Variants in ZNF490 observed in about 807,000 individuals in gnomAD.
ZNF490 encodes zinc finger protein 490.
ZNF490 carries 11 observed loss-of-function variants against 17.7 expected under a neutral mutation model. The observed-to-expected ratio is 0.62, with a 90% CI of 0.39 to 1.03. ZNF490 has a LOEUF of 1.03. Among genes scored for constraint, ZNF490 ranks in the 50% least tolerant of loss-of-function variants. The pLI is 0.00. For missense variants in ZNF490, 542 were observed against 643.4 expected (o/e 0.84, Z 1.71); for synonymous variants, 222 against 216.1 (o/e 1.03, Z -0.24).
Position 12,576,870 on chromosome 19 carries a change from AATAT to A in ZNF490, c.*3611_*3614del, listed in dbSNP as rs759088251. On this transcript the variant is annotated 3_prime_UTR_variant, in exon 5 of 5. Coordinates refer to ENST00000311437, the MANE Select transcript of ZNF490 (RefSeq NM_020714.3). ...CATTCCATATTTAAAAATATATATA[AATAT>A]ATATACACACAGCCCTCTAGACAAA... 1.3e-5 allele frequency among the ~76,000 whole-genome samples: 2 copies of A among 151,486 alleles called. No homozygotes were observed. Among genetic ancestry groups the A allele is most frequent in the East Asian group, 1.9e-4 (1 of 5,196 alleles).
chr19:12,593,969 C>G (rs1445651360), intron 2 of ZNF490, among the ~76,000 whole-genome samples: 1 of 152,072 alleles, frequency 6.6e-6, no homozygotes, highest in East Asian at 1.9e-4. Context: ...TTTCTAGGAC[C>G]CATGGCAAAA....
Position 12,576,975 on chromosome 19 carries a change from GC to G in ZNF490, c.*3509del, listed in dbSNP as rs1353200592. On this transcript the variant is annotated 3_prime_UTR_variant, in exon 5 of 5. Coordinates refer to ENST00000311437, the MANE Select transcript of ZNF490 (RefSeq NM_020714.3). ...AATTCACAAACCCACAGGTGTAACA[GC>G]CCAGATACTAAAAGATTCTCCCAAA... Among the ~76,000 whole-genome samples, 1 of 151,984 alleles carries G rather than the reference GC, an allele frequency of 6.6e-6. No individual in the cohort carries two copies. The highest frequency in any genetic ancestry group is 1.5e-5 in the Non-Finnish European group (1 of 68,016).
intron 2 of ZNF490, among the ~76,000 whole-genome samples, chr19:12,601,320 G>A (rs1479250203): frequency 6.6e-6 from 1 of 151,576 alleles, no homozygotes; most frequent in Non-Finnish European, 1.5e-5. Flanking sequence ...CCCGGGAGGC[G>A]AAGGTTGCAA....
In ZNF490 at chr19:12,610,591, T is replaced by A. The variant is rs760019069; in HGVS notation, c.90A>T (p.Thr30=). 1 of 1,614,034 alleles carries A rather than the reference T, an allele frequency of 6.2e-7. No homozygotes were observed. Among genetic ancestry groups the A allele is most frequent in the Non-Finnish European group, 8.5e-7 (1 of 1,180,018 alleles). The change falls in exon 1 of 5, where the codon ACA becomes ACT. Residue 30 remains threonine (T), a synonymous_variant. Coordinates refer to ENST00000311437, the MANE Select transcript of ZNF490 (RefSeq NM_020714.3). ...QSKWSSSQGR[T]GTGGSDVLQM... The stretch of plus-strand genomic sequence containing the variant: ...GGAGGACATCAGACCCTCCTGTTCC[T>A]GTGCGGCCTTGACTAGACGACCACT...
intron 2 of ZNF490, among the ~76,000 whole-genome samples, chr19:12,586,607 T>C (rs2022808931): frequency 1.1e-5 from 1 of 94,338 alleles, no homozygotes. Flanking sequence ...CTTAGACGGT[T>C]TGAAGAGAGA....
chr19:12,583,566 C>A lies in ZNF490; in HGVS notation c.163-10G>T. ...CAAGGGAGATGGAGTCCTAAAACAT[C>A]CCCCATGTGTGTTTAGGAGGAGGAG... On this transcript the variant is annotated splice_polypyrimidine_tract_variant and intron_variant, in intron 2 of 4. Coordinates refer to ENST00000311437, the MANE Select transcript of ZNF490 (RefSeq NM_020714.3). 1 of 1,580,990 alleles carries A rather than the reference C, an allele frequency of 6.3e-7. No homozygotes were observed. Among genetic ancestry groups the A allele is most frequent in the Non-Finnish European group, 8.6e-7 (1 of 1,160,304 alleles).
intron 1 of ZNF490, 47 bp downstream of exon 1, chr19:12,610,517 C>T (rs1251316756): frequency 5.7e-6 from 8 of 1,414,466 alleles, no homozygotes; most frequent in Non-Finnish European, 8.0e-6. Flanking sequence ...AAACAAGGGT[C>T]ACTATTCCAC....
In ZNF490 at chr19:12,580,525, A is replaced by G; in HGVS notation, c.1550T>C (p.Leu517Ser). ...CGKAFSYSKSLHVHERTHSRQ... is the reference protein window; with the variant it reads ...CGKAFSYSKSSHVHERTHSRQ... Reference sequence around the variant, plus strand: ...ACTATGAGTCCTTTCGTGCACGTGCAAAGACTTTGAGTAACTGAAGGCTTT... The same window carrying G: ...ACTATGAGTCCTTTCGTGCACGTGCGAAGACTTTGAGTAACTGAAGGCTTT... The change falls in exon 5 of 5, where the codon TTG (leucine) becomes TCG (serine). Residue 517 changes from leucine (L) to serine (S), a missense_variant. By Grantham distance (145) the Leu-to-Ser change is moderately radical. Transcript: ENST00000311437. 6.2e-7 allele frequency: 1 copy of G among 1,611,512 alleles called. No homozygotes were observed. Among genetic ancestry groups the G allele is most frequent in the Middle Eastern group, 1.7e-4 (1 of 6,044 alleles).
At chr19:12,605,558 C>T (rs1287702611) in intron 2 of ZNF490, among the ~76,000 whole-genome samples, 1 of 151,942 alleles carries the variant, frequency 6.6e-6, no homozygotes, top group Non-Finnish European at 1.5e-5. Flanking sequence ...TAGGCTGCTA[C>T]AGCAAATTAA....
rs1026944688 is a variant in ZNF490 at position 12,578,314 on chromosome 19, G to A, written c.*2171C>T. ...CTAAGACATGGCAGAGTGTGTCTGT[G>A]ACTCCACTAGCAGTTTTGAGATTAT... On this transcript the variant is annotated 3_prime_UTR_variant, in exon 5 of 5. Transcript: ENST00000311437. 8.1e-6 allele frequency: 8 copies of A among 985,510 alleles called. No homozygotes were observed. The highest frequency in any genetic ancestry group is 9.6e-6 in the Non-Finnish European group (8 of 830,062). 61.0% of individuals were successfully genotyped at this position (985,510 alleles called of 1,614,324 possible). A position where few individuals can be genotyped will look rare whatever the true frequency, so the allele number is the denominator to read the frequency against.
intron 2 of ZNF490, among the ~76,000 whole-genome samples, chr19:12,605,801 A>G (rs918936862): frequency 1.3e-5 from 2 of 152,188 alleles, no homozygotes; most frequent in African/African-American, 4.8e-5. Context: ...CCAGAAGTGA[A>G]GTATTCTGTT....
At chr19:12,583,062 G>A in intron 3 of ZNF490, 152 bp from the exon 4 acceptor site, 1 of 543,510 alleles carries the variant, frequency 1.8e-6, no homozygotes, top group Non-Finnish European at 2.9e-6. Flanking sequence ...TTTTTTTTTT[G>A]AGACAGAGTC....
At chr19:12,606,167 ACCG>A in intron 2 of ZNF490, among the ~76,000 whole-genome samples, 1 of 150,882 alleles carries the variant, frequency 6.6e-6, no homozygotes, top group South Asian at 2.1e-4. Flanking sequence ...GGCATGAGCC[ACCG>A]CGCCTGGCCT....
intron 2 of ZNF490, chr19:12,597,131 C>T (rs1242475770): frequency 4.3e-6 from 2 of 462,432 alleles, no homozygotes; most frequent in South Asian, 1.5e-5. Context: ...CTCGGGACTC[C>T]CGGCCCCGCA....
At chr19:12,599,879 T>C (rs1391807240) in intron 2 of ZNF490, among the ~76,000 whole-genome samples, 1 of 152,054 alleles carries the variant, frequency 6.6e-6, no homozygotes, top group Non-Finnish European at 1.5e-5. Context: ...TTGGCTAAAG[T>C]TAAAGGGGGT....
At chr19:12,603,519 C>G (rs572310230) in intron 2 of ZNF490, among the ~76,000 whole-genome samples, 1 of 151,962 alleles carries the variant, frequency 6.6e-6, no homozygotes, top group East Asian at 1.9e-4. Flanking sequence ...AGGCTGGGCG[C>G]TGGGGCTCAC....
intron 2 of ZNF490, chr19:12,597,336 C>T (rs907017849): frequency 1.7e-4 from 61 of 364,852 alleles, no homozygotes; most frequent in Middle Eastern, 1.6e-3. Context: ...TTTTCAACAC[C>T]GATGCTGACT....
At chr19:12,607,157 T>C (rs950991709) in intron 2 of ZNF490, among the ~76,000 whole-genome samples, 3 of 151,716 alleles carry the variant, frequency 2.0e-5, no homozygotes, top group Non-Finnish European at 2.9e-5. Context: ...CTGGGCAACA[T>C]AGCAGGACCC....
At chr19:12,609,597 C>T (rs2023118164) in intron 1 of ZNF490, among the ~76,000 whole-genome samples, 1 of 152,106 alleles carries the variant, frequency 6.6e-6, no homozygotes, top group African/African-American at 2.4e-5. Context: ...GTTGCCCAGG[C>T]TGGTTTTGGG....
Sources: allele counts gnomAD v4.1 joint callset (sites outside exome capture counted in the v4.1 genomes callset), GRCh38; gene constraint gnomAD v4.1.1; transcripts MANE v1.5; gene names NCBI Gene and HGNC (gene_info 2026-07-23, HGNC 2026-07-21).